Variants in BARD1 observed in about 807,000 individuals in gnomAD.
BARD1 encodes BRCA1-associated RING domain protein 1.
A neutral mutation model predicts 77.0 loss-of-function variants in BARD1; 73 were observed. The observed-to-expected ratio is 0.95, with a 90% confidence interval of 0.79 to 1.15. The LOEUF is 1.15. BARD1 is among the 50% of genes most tolerant of loss of function. BARD1 has a pLI of 0.00. For missense variants in BARD1, 993 were observed against 938.8 expected (o/e 1.06, Z -0.75); for synonymous variants, 384 against 338.0 (o/e 1.14, Z -1.49).
At position 214,761,746 on chromosome 2, in the gene BARD1, G is replaced by A. The variant is rs560480729; in HGVS notation, c.1568+5736C>T. Among the ~76,000 whole-genome samples the A allele has an allele frequency of 2.1e-4, 32 of 152,156 alleles. 1 individual carries two copies. In the South Asian group the frequency reaches 6.2e-3, roughly 30 times the overall value. On this transcript the variant is annotated intron_variant, in intron 6 of 10. Coordinates refer to ENST00000260947, the MANE Select transcript of BARD1 (RefSeq NM_000465.4). ...AATAAAGGGAAGAAAGCTTCCACAGGGCAATAAAGAACATTAATCTTTGTA... is the reference window on the plus strand; with the variant it reads ...AATAAAGGGAAGAAAGCTTCCACAGAGCAATAAAGAACATTAATCTTTGTA...
intron 7 of BARD1, among the ~76,000 whole-genome samples, chr2:214,746,679 G>T (rs1346262719): frequency 1.3e-5 from 2 of 152,028 alleles, no homozygotes; most frequent in African/African-American, 2.4e-5. Flanking sequence ...TCACTAAATT[G>T]TAAGATGATG....
In BARD1 at chr2:214,756,480, G is replaced by A. The variant is rs111953228; in HGVS notation, c.1569-3925C>T. On this transcript the variant is annotated intron_variant, in intron 6 of 10. Coordinates refer to ENST00000260947, the MANE Select transcript of BARD1 (RefSeq NM_000465.4). Reference sequence around the variant, plus strand: ...TGATCCAGCAATCCCACTACTGGGTGTCTACCCAGAGGAAAAGAAGTCATG... The same window carrying A: ...TGATCCAGCAATCCCACTACTGGGTATCTACCCAGAGGAAAAGAAGTCATG... Among the ~76,000 whole-genome samples the A allele has an allele frequency of 2.0e-3, 299 of 152,286 alleles. 2 individuals are homozygous for A. The highest frequency in any genetic ancestry group is 6.7e-3 in the African/African-American group (278 of 41,558).
intron 9 of BARD1, 59 bp downstream of exon 9, chr2:214,745,008 A>G: frequency 7.1e-7 from 1 of 1,400,496 alleles, no homozygotes; most frequent in Admixed American, 1.7e-5. Flanking sequence ...GGCATTAATA[A>G]CCATGAAAAA....
At chr2:214,771,911 A>T (rs1308490369) in intron 4 of BARD1, among the ~76,000 whole-genome samples, 1 of 134,780 alleles carries the variant, frequency 7.4e-6, no homozygotes, top group Non-Finnish European at 1.6e-5. Context: ...CAAATTAATT[A>T]CCCCAGTTTC....
In BARD1 at chr2:214,808,679, A is replaced by G. The variant is rs373730927; in HGVS notation, c.158+733T>C. Among the ~76,000 whole-genome samples the G allele has an allele frequency of 2.3e-5, 3 of 132,786 alleles. No individual in the cohort carries two copies. In the East Asian group the frequency reaches 7.6e-4, roughly 34 times the overall value. The allele number at this position is 132,786 out of a possible 152,430, so 87.1% of individuals were successfully genotyped here. ...CAAACCTTCTTGGTTTGTATACTAG[A>G]AAGAGCTACACGAAAAAAAGCAAGA... On this transcript the variant is annotated intron_variant, in intron 1 of 10. Transcript: ENST00000260947.
intron 4 of BARD1, among the ~76,000 whole-genome samples, chr2:214,770,768 C>CT (rs1559413559): frequency 2.6e-5 from 4 of 152,230 alleles, no homozygotes; most frequent in African/African-American, 9.6e-5. Flanking sequence ...CAGCCTCCAG[C>CT]GAAGGTAGAC....
intron 3 of BARD1, among the ~76,000 whole-genome samples, chr2:214,789,231 A>T (rs529668597): frequency 3.3e-4 from 51 of 152,246 alleles, no homozygotes; most frequent in African/African-American, 1.2e-3. Flanking sequence ...AATGTATTTT[A>T]AAATTATTTT....
intron 6 of BARD1, among the ~76,000 whole-genome samples, chr2:214,759,668 T>C (rs1693857527): frequency 6.6e-6 from 1 of 152,162 alleles, no homozygotes; most frequent in Non-Finnish European, 1.5e-5. Flanking sequence ...GAAGTAGATA[T>C]ATGACTTTCC....
chr2:214,772,403 C>T (rs6717318), intron 4 of BARD1, among the ~76,000 whole-genome samples: 27,471 of 151,786 alleles, frequency 0.18, 2,678 homozygotes, highest in East Asian at 0.42. Context: ...TACTCACACA[C>T]AAAAACCTTC....
intron 6 of BARD1, among the ~76,000 whole-genome samples, chr2:214,759,818 A>T (rs10197868): frequency 0.42 from 63,920 of 152,052 alleles, 13,508 homozygotes; most frequent in South Asian, 0.5. Context: ...AGCTCATTTA[A>T]TTTAAAATTA....
rs876658687 is a variant in BARD1, at chr2:214,728,900, T to C, written c.2110A>G (p.Ser704Gly). Residue 704 changes from serine to glycine, a missense_variant, in exon 11 of 11, where the codon AGT (serine) becomes GGT (glycine). Transcript: ENST00000260947. The stretch of plus-strand genomic sequence containing the variant: ...TCACTGTCTGGCTTGGGCTTTCTAC[T>C]GAGGATCTGGCCCCCACCTGCAGTG... ...LVTAGGGQILSRKPKPDSDVT... is the reference protein window; with the variant it reads ...LVTAGGGQILGRKPKPDSDVT... The C allele has an allele frequency of 6.2e-7, 1 of 1,614,232 alleles. No homozygotes were observed. The highest frequency in any genetic ancestry group is 1.1e-5 in the South Asian group (1 of 91,086).
intron 4 of BARD1, among the ~76,000 whole-genome samples, chr2:214,775,309 G>C (rs1450125265): frequency 1.3e-5 from 2 of 152,086 alleles, no homozygotes; most frequent in Non-Finnish European, 2.9e-5. Context: ...GGACATTGTA[G>C]GGTTGTTAGT....
intron 7 of BARD1, among the ~76,000 whole-genome samples, chr2:214,748,368 C>G (rs533690666): frequency 6.6e-6 from 1 of 151,796 alleles, no homozygotes; most frequent in African/African-American, 2.4e-5. Context: ...AAAAGAGGTA[C>G]AAAAAACACC....
intron 1 of BARD1, among the ~76,000 whole-genome samples, chr2:214,798,515 T>C (rs1574849774): frequency 1.3e-5 from 2 of 152,206 alleles, no homozygotes; most frequent in African/African-American, 4.8e-5. Flanking sequence ...TTCCTTTACC[T>C]CTTTTATTAC....
chr2:214,804,164 T>A (rs947781266), intron 1 of BARD1, among the ~76,000 whole-genome samples: 1 of 152,230 alleles, frequency 6.6e-6, no homozygotes, highest in Non-Finnish European at 1.5e-5. Flanking sequence ...CCAAGCCAAT[T>A]AAACAATTTT....
intron 1 of BARD1, among the ~76,000 whole-genome samples, chr2:214,803,623 A>G (rs1696132069): frequency 6.6e-6 from 1 of 152,102 alleles, no homozygotes; most frequent in Admixed American, 6.5e-5. Flanking sequence ...TCTCCCCACT[A>G]TTGTCTTGTG....
chr2:214,761,009 C>A (rs1420820947), intron 6 of BARD1, among the ~76,000 whole-genome samples: 3 of 150,146 alleles, frequency 2.0e-5, no homozygotes, highest in African/African-American at 7.4e-5. Flanking sequence ...CTCCTGACCT[C>A]GGGATCCACC....
At chr2:214,743,987 A>C (rs1308594154) in intron 9 of BARD1, among the ~76,000 whole-genome samples, 2 of 152,172 alleles carry the variant, frequency 1.3e-5, no homozygotes, top group Non-Finnish European at 2.9e-5. Flanking sequence ...TGTAACCACT[A>C]ATCTTTTGTA....
intron 2 of BARD1, among the ~76,000 whole-genome samples, chr2:214,794,971 C>T (rs1695695169): frequency 6.6e-6 from 1 of 152,114 alleles, no homozygotes; most frequent in Non-Finnish European, 1.5e-5. Context: ...GTCACAGAGT[C>T]CTTTAGAATC....
Sources: allele counts gnomAD v4.1 joint callset (sites outside exome capture counted in the v4.1 genomes callset), GRCh38; gene constraint gnomAD v4.1.1; transcripts MANE v1.5; gene names NCBI Gene and HGNC (gene_info 2026-07-23, HGNC 2026-07-21).